Variants in CSMD2 observed in about 807,000 individuals in gnomAD.
CSMD2 encodes the protein CUB and sushi domain-containing protein 2.
A neutral mutation model predicts 398.5 loss-of-function variants in CSMD2; 130 were observed. The observed-to-expected ratio is 0.33, with a 90% confidence interval of 0.28 to 0.38. CSMD2 has a LOEUF of 0.38. Ranked by LOEUF, CSMD2 falls within the 10% of genes least tolerant of loss-of-function variation. The pLI, the probability that CSMD2 is intolerant of heterozygous loss-of-function variation, is 1.00. For missense variants in CSMD2, 3,829 were observed against 4,764.9 expected, an observed-to-expected ratio of 0.80 and a Z score of 5.78; for synonymous variants, 1,828 against 1,908.5, an observed-to-expected ratio of 0.96 and a Z score of 1.10.
At chr1:33,998,275 G>A (rs1646789325) in intron 3 of CSMD2, among the ~76,000 whole-genome samples, 1 of 152,146 alleles carries the variant, frequency 6.6e-6, no homozygotes, top group Non-Finnish European at 1.5e-5. Flanking sequence ...ACTCTGCAGA[G>A]TCCCCACCAG....
chr1:33,595,443 T>C (rs573470829), intron 44 of CSMD2, among the ~76,000 whole-genome samples: 129 of 152,300 alleles, frequency 8.5e-4, no homozygotes, highest in Non-Finnish European at 1.4e-3. Flanking sequence ...TCCAGTCTTC[T>C]CCACTTCTTT....
chr1:34,092,393 C>CG (rs950571802), intron 1 of CSMD2, among the ~76,000 whole-genome samples: 2 of 152,038 alleles, frequency 1.3e-5, no homozygotes, highest in Non-Finnish European at 2.9e-5. Flanking sequence ...AATAGATTGT[C>CG]GGGGGGAGGA....
At chr1:33,842,469 C>A (rs769719370) in intron 6 of CSMD2, among the ~76,000 whole-genome samples, 4 of 152,144 alleles carry the variant, frequency 2.6e-5, no homozygotes, top group Non-Finnish European at 5.9e-5. Flanking sequence ...CACAACTTGA[C>A]CACTACCACA....
chr1:33,838,054 C>A (rs529281682), intron 6 of CSMD2, among the ~76,000 whole-genome samples: 47 of 152,320 alleles, frequency 3.1e-4, no homozygotes, highest in African/African-American at 1.0e-3. Flanking sequence ...GGAGGCCTAA[C>A]CTGTCTCCAA....
At chr1:33,930,142 A>G (rs1644264964) in intron 4 of CSMD2, among the ~76,000 whole-genome samples, 1 of 152,382 alleles carries the variant, frequency 6.6e-6, no homozygotes, top group South Asian at 2.1e-4. Flanking sequence ...ATAGGCAGTC[A>G]ATAAATGATA....
intron 1 of CSMD2, among the ~76,000 whole-genome samples, chr1:34,124,171 T>C (rs1198475343): frequency 6.6e-6 from 1 of 152,234 alleles, no homozygotes; most frequent in Non-Finnish European, 1.5e-5. Context: ...GATGGCACCA[T>C]TTATCCATTC....
intron 32 of CSMD2, among the ~76,000 whole-genome samples, chr1:33,626,944 T>A (rs1293789502): frequency 6.6e-6 from 1 of 152,084 alleles, no homozygotes; most frequent in Non-Finnish European, 1.5e-5. Context: ...ACAGCAGCTG[T>A]TACCAAGCCG....
At chr1:33,753,240 C>A (rs540799828) in intron 13 of CSMD2, among the ~76,000 whole-genome samples, 2 of 152,334 alleles carry the variant, frequency 1.3e-5, no homozygotes, top group South Asian at 4.1e-4. Context: ...TTTGCAGCAG[C>A]CTCTCGCATC....
intron 5 of CSMD2, among the ~76,000 whole-genome samples, chr1:33,888,708 C>A (rs1371632553): frequency 6.6e-6 from 1 of 152,010 alleles, no homozygotes; most frequent in African/African-American, 2.4e-5. Flanking sequence ...CTAACCAAGA[C>A]ACAAAACTGA....
At chr1:33,762,187 C>T (rs1001676220) in intron 13 of CSMD2, among the ~76,000 whole-genome samples, 3 of 152,184 alleles carry the variant, frequency 2.0e-5, no homozygotes, top group African/African-American at 7.2e-5. Context: ...CCAAGAGGCT[C>T]AAAGAACAGG....
At chr1:33,834,041 GGAA>G (rs1279123980) in intron 6 of CSMD2, among the ~76,000 whole-genome samples, 4 of 142,896 alleles carry the variant, frequency 2.8e-5, no homozygotes, top group African/African-American at 1.1e-4. Flanking sequence ...CTCATGGGTA[GGAA>G]GAATCAATAT....
At chr1:33,824,607 C>T (rs1273057052) in intron 7 of CSMD2, among the ~76,000 whole-genome samples, 1 of 152,106 alleles carries the variant, frequency 6.6e-6, no homozygotes, top group Non-Finnish European at 1.5e-5. Context: ...CACTCTATGC[C>T]CTTCTCTCCT....
At chr1:33,791,250 T>G (rs1193914967) in intron 11 of CSMD2, among the ~76,000 whole-genome samples, 1 of 152,248 alleles carries the variant, frequency 6.6e-6, no homozygotes, top group Non-Finnish European at 1.5e-5. Context: ...GTGCTGGTTC[T>G]GCTATCAACC....
chr1:33,984,098 G>A, intron 3 of CSMD2, among the ~76,000 whole-genome samples: 1 of 152,082 alleles, frequency 6.6e-6, no homozygotes, highest in Non-Finnish European at 1.5e-5. Context: ...AGCTTGCAGG[G>A]AGCCGAGATC....
intron 4 of CSMD2, among the ~76,000 whole-genome samples, chr1:33,927,860 G>A (rs1644179004): frequency 6.6e-6 from 1 of 152,168 alleles, no homozygotes; most frequent in African/African-American, 2.4e-5. Context: ...TGAACCTTGG[G>A]TCTGGCTTTC....
intron 13 of CSMD2, among the ~76,000 whole-genome samples, chr1:33,754,330 C>T (rs749298117): frequency 1.3e-5 from 2 of 152,086 alleles, no homozygotes; most frequent in Non-Finnish European, 1.5e-5. Flanking sequence ...GAATGTGGTA[C>T]CTATCACCTA....
chr1:34,147,213 G>A (rs886584973), intron 1 of CSMD2, among the ~76,000 whole-genome samples: 2 of 152,042 alleles, frequency 1.3e-5, no homozygotes, highest in African/African-American at 2.4e-5. Context: ...AGCCGAGATC[G>A]TGCCACTGCA....
chr1:33,685,892 G>A (rs1369330432), intron 25 of CSMD2, among the ~76,000 whole-genome samples: 2 of 152,154 alleles, frequency 1.3e-5, no homozygotes, highest in East Asian at 1.9e-4. Flanking sequence ...TTGTGTTTCC[G>A]ACTGCACAGC....
At chr1:33,811,075 T>C (rs930673878) in intron 9 of CSMD2, among the ~76,000 whole-genome samples, 6 of 152,068 alleles carry the variant, frequency 3.9e-5, no homozygotes, top group Non-Finnish European at 8.8e-5. Flanking sequence ...CTGTAGGCAA[T>C]GATGAACTTC....
Sources: gnomAD v4.1 joint callset for allele counts (sites outside exome capture counted in the v4.1 genomes callset) on GRCh38, gnomAD v4.1.1 for gene constraint, MANE v1.5 for transcripts, NCBI Gene and HGNC (gene_info 2026-07-23, HGNC 2026-07-21) for gene names.